Variants in CDH12 observed in about 807,000 individuals in gnomAD.
The protein encoded by CDH12 is cadherin 12.
CDH12 carries 41 observed loss-of-function variants against 74.1 expected under a neutral mutation model. The observed-to-expected ratio is 0.55, with a 90% CI of 0.43 to 0.72. The LOEUF (loss-of-function observed/expected upper bound fraction) is 0.72. CDH12 is among the 30% of genes least tolerant of loss of function. The probability of loss-of-function intolerance (pLI) is 0.00; values close to 1 mark genes in which losing one functional copy is unlikely to be tolerated. For synonymous variants in CDH12, 399 were observed against 355.0 expected (o/e 1.12, Z -1.39); for missense variants, 945 against 977.2 (o/e 0.97, Z 0.44).
intron 3 of CDH12, among the ~76,000 whole-genome samples, chr5:22,401,816 G>A (rs184377543): frequency 4.6e-5 from 7 of 152,286 alleles, no homozygotes. Flanking sequence ...GTAAGAGACA[G>A]AAGATGGGAA....
intron 1 of CDH12, among the ~76,000 whole-genome samples, chr5:22,810,295 C>T (rs893004987): frequency 6.6e-5 from 10 of 151,962 alleles, no homozygotes; most frequent in Admixed American, 2.6e-4. Flanking sequence ...TCTGAGTATG[C>T]GTAAGTGGAT....
chr5:22,666,512 G>C (rs192699090), intron 1 of CDH12, among the ~76,000 whole-genome samples: 3 of 151,722 alleles, frequency 2.0e-5, no homozygotes, highest in East Asian at 1.9e-4. Context: ...GGGTGGTCTC[G>C]ATCTCCTGAC....
At chr5:22,469,002 G>A (rs773051337) in intron 2 of CDH12, among the ~76,000 whole-genome samples, 5 of 152,040 alleles carry the variant, frequency 3.3e-5, no homozygotes, top group Admixed American at 3.3e-4. Context: ...ACTTACTTGA[G>A]GATTAGGGTT....
chr5:22,089,963 A>G (rs1743314879), intron 4 of CDH12, among the ~76,000 whole-genome samples: 1 of 151,998 alleles, frequency 6.6e-6, no homozygotes, highest in Non-Finnish European at 1.5e-5. Flanking sequence ...AAAATTCTCA[A>G]ATCAATAATT....
chr5:21,966,163 T>G (rs1437780693), intron 6 of CDH12, among the ~76,000 whole-genome samples: 1 of 151,270 alleles, frequency 6.6e-6, no homozygotes, highest in Non-Finnish European at 1.5e-5. Context: ...TTTACGTTTT[T>G]TTTTTTTTTT....
intron 5 of CDH12, among the ~76,000 whole-genome samples, chr5:21,981,823 C>A (rs1289546451): frequency 2.6e-5 from 4 of 152,184 alleles, no homozygotes; most frequent in Non-Finnish European, 4.4e-5. Context: ...CACAGACTAC[C>A]ATGCTTAGCT....
chr5:22,533,502 T>C (rs1737685879), intron 1 of CDH12, among the ~76,000 whole-genome samples: 2 of 152,236 alleles, frequency 1.3e-5, no homozygotes, highest in Non-Finnish European at 2.9e-5. Flanking sequence ...GAATAAGTCA[T>C]TAAATCTATC....
chr5:22,103,480 C>T (rs923752835), intron 4 of CDH12, among the ~76,000 whole-genome samples: 5 of 152,146 alleles, frequency 3.3e-5, no homozygotes, highest in Non-Finnish European at 5.9e-5. Flanking sequence ...GGTGTGAACA[C>T]GTAGATGAAT....
At chr5:22,355,793 G>T (rs1740541636) in intron 3 of CDH12, among the ~76,000 whole-genome samples, 1 of 151,914 alleles carries the variant, frequency 6.6e-6, no homozygotes, top group South Asian at 2.1e-4. Flanking sequence ...ACAAATTCCT[G>T]TACAAATACA....
chr5:22,763,147 G>A (rs1168794743), intron 1 of CDH12, among the ~76,000 whole-genome samples: 2 of 151,812 alleles, frequency 1.3e-5, no homozygotes, highest in Non-Finnish European at 2.9e-5. Flanking sequence ...TTTTCATAAC[G>A]GAACATCATG....
In CDH12 at chr5:21,765,216, CT is replaced by C. The variant is rs544180835; in HGVS notation, c.1394-118del. ...CCTTTATATAGAATGAAAAAAAATC[CT>C]TCTTATAGGAAATCCTGGGGGTTCC... On this transcript the variant is annotated intron_variant, in intron 11 of 14. Coordinates refer to ENST00000382254, the MANE Select transcript of CDH12 (RefSeq NM_004061.5). 1.7e-5 allele frequency: 14 copies of C among 805,864 alleles called. No homozygotes were observed. In the East Asian group the frequency reaches 4.2e-4, roughly 24 times the overall value. 49.9% of individuals were successfully genotyped at this position (805,864 alleles called of 1,614,324 possible). A position where few individuals can be genotyped will look rare whatever the true frequency, so the allele number is the denominator to read the frequency against.
intron 4 of CDH12, among the ~76,000 whole-genome samples, chr5:22,108,338 C>G (rs1744610367): frequency 6.6e-6 from 1 of 152,208 alleles, no homozygotes; most frequent in Non-Finnish European, 1.5e-5. Flanking sequence ...TCCATTAAAT[C>G]TCTTTCCTTT....
At chr5:22,375,604 A>G (rs1741486456) in intron 3 of CDH12, among the ~76,000 whole-genome samples, 1 of 152,154 alleles carries the variant, frequency 6.6e-6, no homozygotes, top group African/African-American at 2.4e-5. Flanking sequence ...GCAATAAAAC[A>G]GACACAAATA....
At chr5:22,123,905 AT>A (rs1384649495) in intron 4 of CDH12, among the ~76,000 whole-genome samples, 1 of 152,008 alleles carries the variant, frequency 6.6e-6, no homozygotes, top group African/African-American at 2.4e-5. Context: ...AAGGTACATT[AT>A]TTCGTTTCCT....
chr5:22,311,834 C>T (rs902479682), intron 3 of CDH12, among the ~76,000 whole-genome samples: 3 of 152,012 alleles, frequency 2.0e-5, no homozygotes, highest in Admixed American at 6.6e-5. Context: ...ATACCTCACA[C>T]AGCTCAGACT....
intron 1 of CDH12, among the ~76,000 whole-genome samples, chr5:22,775,084 A>T (rs1747023080): frequency 6.6e-6 from 1 of 151,664 alleles, no homozygotes. Flanking sequence ...TATATTATAT[A>T]ACACACACAT....
chr5:21,941,064 A>G (rs1293361477), intron 6 of CDH12, among the ~76,000 whole-genome samples: 1 of 152,200 alleles, frequency 6.6e-6, no homozygotes, highest in Non-Finnish European at 1.5e-5. Context: ...AGGAACTGAA[A>G]ATCTAAATGT....
At chr5:22,421,577 C>T (rs149367742) in intron 2 of CDH12, among the ~76,000 whole-genome samples, 3,512 of 152,174 alleles carry the variant, frequency 0.023, 57 homozygotes, top group Middle Eastern at 0.037. Context: ...TTTATTTATC[C>T]AGTCTATCAC....
chr5:22,419,861 T>C (rs2126492850), intron 2 of CDH12, among the ~76,000 whole-genome samples: 1 of 152,316 alleles, frequency 6.6e-6, no homozygotes, highest in African/African-American at 2.4e-5. Context: ...CATGAGATGG[T>C]ATGGCATTGT....
Sources: allele counts gnomAD v4.1 joint callset (sites outside exome capture counted in the v4.1 genomes callset), GRCh38; gene constraint gnomAD v4.1.1; transcripts MANE v1.5; gene names NCBI Gene and HGNC (gene_info 2026-07-23, HGNC 2026-07-21).